NF1: variants seen among roughly 807,000 people sequenced by gnomAD.
NF1 encodes the protein neurofibromin.
Under a neutral mutation model 325.7 loss-of-function variants are expected in NF1, and 122 were observed. That is an observed-to-expected ratio of 0.37 (90% CI 0.32 to 0.44). The LOEUF (loss-of-function observed/expected upper bound fraction) is 0.44, where lower values mean the gene tolerates loss of function less well. Among genes scored for constraint, NF1 ranks in the 20% least tolerant of loss-of-function variants. The pLI is 1.00. For synonymous variants in NF1, 1,091 were observed against 1,186.0 expected, an observed-to-expected ratio of 0.92 and a Z score of 1.65; for missense variants, 2,140 against 3,415.4, an observed-to-expected ratio of 0.63 and a Z score of 9.31.
At chr17:31,227,644 C>T (rs2067040399) in intron 20 of NF1, 38 bp downstream of exon 20, 1 of 1,522,918 alleles carries the variant, frequency 6.6e-7, no homozygotes, top group South Asian at 1.1e-5. Flanking sequence ...GTTAACTGAT[C>T]TGCTAAATAT....
chr17:31,277,598 G>T (rs1217118608), intron 36 of NF1, among the ~76,000 whole-genome samples: 1 of 152,088 alleles, frequency 6.6e-6, no homozygotes, highest in Admixed American at 6.5e-5. Context: ...GTATCATTGG[G>T]CTCCCCTCCT....
In NF1 at chr17:31,229,947, T is replaced by C. The variant is rs746670929; in HGVS notation, c.2963T>C (p.Ile988Thr). 1.9e-6 allele frequency: 3 copies of C among 1,611,712 alleles called. No homozygotes were observed. Among genetic ancestry groups the C allele is most frequent in the Non-Finnish European group, 2.5e-6 (3 of 1,179,726 alleles). The change falls in exon 22 of 58, where the codon ATT becomes ACT. Residue 988 changes from isoleucine to threonine, a missense_variant. Physicochemically the swap from Ile to Thr is moderately conservative, Grantham distance 89. Coordinates refer to ENST00000358273, the MANE Select transcript of NF1 (RefSeq NM_001042492.3). ...TCTGAACATCTAGGGCAAGCTAGCA[T>C]TGAAACAATGATGTTAAATCTGGTC... Reference protein sequence around the residue: ...GSSEHLGQASIETMMLNLVRY... With the variant: ...GSSEHLGQASTETMMLNLVRY...
chr17:31,159,690 G>GT, intron 3 of NF1, among the ~76,000 whole-genome samples: 1 of 152,180 alleles, frequency 6.6e-6, no homozygotes, highest in South Asian at 2.1e-4. Context: ...TTTTTCAAGA[G>GT]TATTTCTATT....
intron 36 of NF1, among the ~76,000 whole-genome samples, chr17:31,269,440 T>C (rs978400242): frequency 1.3e-5 from 2 of 152,136 alleles, no homozygotes; most frequent in Admixed American, 1.3e-4. Flanking sequence ...AAAGGGGAAT[T>C]GTTGAATAAA....
chr17:31,155,873 T>C (rs1343385224), intron 1 of NF1, 110 bp from the exon 2 acceptor site: 1 of 1,224,910 alleles, frequency 8.2e-7, no homozygotes, highest in Non-Finnish European at 1.2e-6. Context: ...TAGGTATCTG[T>C]GGTTGATGCA....
At chr17:31,198,246 T>G (rs1026288431) in intron 8 of NF1, among the ~76,000 whole-genome samples, 1 of 152,198 alleles carries the variant, frequency 6.6e-6, no homozygotes. Context: ...TCCTGTAGTA[T>G]TTTTGTCTGG....
intron 23 of NF1, 104 bp from the exon 24 acceptor site, chr17:31,230,738 A>G: frequency 2.2e-6 from 2 of 899,910 alleles, no homozygotes; most frequent in Non-Finnish European, 3.6e-6. Context: ...CACTTAGGTT[A>G]TCTGGCAAAT....
chr17:31,126,147 C>T (rs2143425682), intron 1 of NF1, among the ~76,000 whole-genome samples: 1 of 151,866 alleles, frequency 6.6e-6, no homozygotes, highest in South Asian at 2.1e-4. Flanking sequence ...GACATCTTGC[C>T]ATTGCACTCC....
At position 31,336,651 on chromosome 17, in the gene NF1, G is replaced by C. The variant is rs1597842735; in HGVS notation, c.6164G>C (p.Cys2055Ser). The change falls in exon 42 of 58, where the codon TGC becomes TCC. Residue 2055 changes from cysteine (C) to serine (S), a missense_variant. Around this residue, in one of 10 missense-constraint regions of NF1, gnomAD observed 180 missense variants for 435.1 expected, o/e 0.41. Transcript: ENST00000358273. The surrounding 1 kb of genome is among the most constrained non-coding windows in gnomAD (Gnocchi z 5.5). The stretch of plus-strand genomic sequence containing the variant: ...TCTTTACAGGTTATTGGAAGGATGT[G>C]CAAAATAATTGACAAGACATGCTTA... ...LVSSKVIGRMCKIIDKTCLSP... is the reference protein window; with the variant it reads ...LVSSKVIGRMSKIIDKTCLSP... 1 of 1,611,500 alleles carries C rather than the reference G, an allele frequency of 6.2e-7. No individual in the cohort carries two copies. Among genetic ancestry groups the C allele is most frequent in the Non-Finnish European group, 8.5e-7 (1 of 1,179,326 alleles).
intron 32 of NF1, 70 bp from the exon 33 acceptor site, chr17:31,258,962 A>C (rs2067633449): frequency 6.0e-6 from 6 of 1,000,174 alleles, no homozygotes; most frequent in Middle Eastern, 3.1e-4. Context: ...ATGTTTTTAA[A>C]GAATGTCTTA....
chr17:31,280,975 G>T (rs1246324528), intron 36 of NF1, among the ~76,000 whole-genome samples: 2 of 151,940 alleles, frequency 1.3e-5, no homozygotes, highest in African/African-American at 4.8e-5. Flanking sequence ...CCAACAAAAG[G>T]CAACAGTAAA....
rs17879790 is a variant in NF1, at chr17:31,159,797, A to G, written c.288+704A>G. Among the ~76,000 whole-genome samples, 10 of 152,320 alleles carry G rather than the reference A, an allele frequency of 6.6e-5. No homozygotes were observed. In the East Asian group the frequency reaches 1.5e-3, roughly 23 times the overall value. On this transcript the variant is annotated intron_variant, in intron 3 of 57. Coordinates refer to ENST00000358273, the MANE Select transcript of NF1 (RefSeq NM_001042492.3). The stretch of plus-strand genomic sequence containing the variant: ...ATATAAATTAAATACCTCTGTTTTA[A>G]TGATCTGCCTAATCCATGTGTATTG...
In NF1 at chr17:31,232,975, A is replaced by G. The variant is rs199874230; in HGVS notation, c.3497-27A>G. On this transcript the variant is annotated intron_variant, in intron 26 of 57. Coordinates refer to ENST00000358273, the MANE Select transcript of NF1 (RefSeq NM_001042492.3). The stretch of plus-strand genomic sequence containing the variant: ...ATTACTTCAGCAAGGCCATGTTAGT[A>G]AATTTGCATCTGTTTGTCCACATTA... The G allele has an allele frequency of 2.7e-5, 43 of 1,614,022 alleles. No homozygotes were observed. In the African/African-American group the frequency reaches 3.7e-4, roughly 14 times the overall value.
At chr17:31,208,863 T>C (rs1182426538) in intron 12 of NF1, among the ~76,000 whole-genome samples, 2 of 151,616 alleles carry the variant, frequency 1.3e-5, no homozygotes, top group African/African-American at 4.9e-5. Flanking sequence ...TGCACCCCAG[T>C]GTGGACAACA....
chr17:31,374,006 T>G lies in NF1; in HGVS notation c.8378-7T>G. 1 of 1,613,948 alleles carries G rather than the reference T, an allele frequency of 6.2e-7. No homozygotes were observed. The highest frequency in any genetic ancestry group is 1.1e-5 in the South Asian group (1 of 91,084). On this transcript the variant is annotated splice_region_variant and splice_polypyrimidine_tract_variant and intron_variant, in intron 57 of 57. Transcript: ENST00000358273. Reference sequence around the variant, plus strand: ...AAGAAGTAACTGGCTGTTCTCTTTTTCTCCAGGAATCGACAAGGAGAACGT... The same window carrying G: ...AAGAAGTAACTGGCTGTTCTCTTTTGCTCCAGGAATCGACAAGGAGAACGT...
intron 36 of NF1, among the ~76,000 whole-genome samples, chr17:31,283,213 C>G (rs1326837094): frequency 1.3e-5 from 2 of 151,968 alleles, no homozygotes; most frequent in Admixed American, 6.6e-5. Context: ...GTCAGGAGAT[C>G]GAGACCATCC....
chr17:31,234,533 G>A (rs2151436836), intron 27 of NF1, among the ~76,000 whole-genome samples: 1 of 151,868 alleles, frequency 6.6e-6, no homozygotes, highest in South Asian at 2.1e-4. Context: ...AAAATCAGCT[G>A]GGCGTGGTGG....
intron 1 of NF1, among the ~76,000 whole-genome samples, chr17:31,108,991 G>A (rs1324449924): frequency 1.3e-5 from 2 of 152,162 alleles, no homozygotes; most frequent in Non-Finnish European, 2.9e-5. Flanking sequence ...AAAAGCAAAA[G>A]TGCTTTACAA....
chr17:31,298,229 A>G (rs541798228), intron 36 of NF1, among the ~76,000 whole-genome samples: 37 of 152,302 alleles, frequency 2.4e-4, no homozygotes, highest in Non-Finnish European at 4.3e-4. Flanking sequence ...TGAGTTTTAT[A>G]AAGTGAGATC....
Sources: allele counts gnomAD v4.1 joint callset (sites outside exome capture counted in the v4.1 genomes callset), GRCh38; gene constraint gnomAD v4.1.1; regional missense constraint gnomAD v4.1.1; non-coding constraint Gnocchi (gnomAD v3.1); transcripts MANE v1.5; gene names NCBI Gene and HGNC (gene_info 2026-07-23, HGNC 2026-07-21).